Variants in ANXA4 observed in about 807,000 individuals in gnomAD.
ANXA4 encodes the protein 35-beta calcimedin.
Under a neutral mutation model 49.8 loss-of-function variants are expected in ANXA4, and 39 were observed. That is an observed-to-expected ratio of 0.78 (90% CI 0.61 to 1.02). The LOEUF is 1.02. Ranked by LOEUF, ANXA4 falls within the 50% of genes least tolerant of loss-of-function variation. The pLI is 0.00. For synonymous variants in ANXA4, 134 were observed against 152.5 expected (o/e 0.88, Z 0.89); for missense variants, 360 against 410.1 (o/e 0.88, Z 1.05).
upstream of ANXA4, among the ~76,000 whole-genome samples, chr2:69,740,835 C>G (rs1182601845): frequency 6.7e-6 from 1 of 149,478 alleles, no homozygotes; most frequent in Non-Finnish European, 1.5e-5. Context: ...GCGCATGCCA[C>G]CACACCCGGC....
chr2:69,813,574 G>C (rs938008699), intron 8 of ANXA4, among the ~76,000 whole-genome samples: 1 of 151,582 alleles, frequency 6.6e-6, no homozygotes, highest in Non-Finnish European at 1.5e-5. Context: ...TCTATATTAA[G>C]TATGTCATTG....
At chr2:69,805,799 G>A (rs1673422116) in intron 4 of ANXA4, among the ~76,000 whole-genome samples, 3 of 152,100 alleles carry the variant, frequency 2.0e-5, no homozygotes, top group Admixed American at 2.0e-4. Context: ...AGGACTTTTG[G>A]TTTTGTGGGT....
chr2:69,787,889 A>C (rs1346379197), intron 2 of ANXA4, among the ~76,000 whole-genome samples, 165 bp from the exon 3 acceptor site: 2 of 152,232 alleles, frequency 1.3e-5, no homozygotes, highest in East Asian at 3.8e-4. Flanking sequence ...CTAGAGCATC[A>C]GTCCCGGGGA....
upstream of ANXA4, among the ~76,000 whole-genome samples, chr2:69,644,240 G>C (rs1269248702): frequency 6.3e-5 from 9 of 142,696 alleles, no homozygotes; most frequent in African/African-American, 2.3e-4. Flanking sequence ...CCTGGCACAA[G>C]GGATTCTGGA....
chr2:69,649,898 AGGT>A (rs1034221083), intron 1 of ANXA4, among the ~76,000 whole-genome samples: 3 of 147,470 alleles, frequency 2.0e-5, no homozygotes, highest in African/African-American at 7.5e-5. Context: ...CTGGGATTAA[AGGT>A]GTGAGCCACT....
chr2:69,708,235 C>A (rs1678559314), intron 2 of ANXA4, among the ~76,000 whole-genome samples: 1 of 152,104 alleles, frequency 6.6e-6, no homozygotes. Context: ...TATCATGATT[C>A]CCCCCTTCCT....
intron 3 of ANXA4, among the ~76,000 whole-genome samples, chr2:69,736,907 T>G (rs1475355834): frequency 1.3e-5 from 2 of 152,206 alleles, no homozygotes; most frequent in Non-Finnish European, 2.9e-5. Context: ...GTTCAAGTGA[T>G]TCTCATGCTT....
chr2:69,678,549 A>G (rs1677488762), intron 2 of ANXA4, among the ~76,000 whole-genome samples: 1 of 151,628 alleles, frequency 6.6e-6, no homozygotes. Context: ...ACACAGCACC[A>G]CACCGGGCTA....
chr2:69,797,626 C>T (rs188341941), intron 3 of ANXA4, among the ~76,000 whole-genome samples: 5 of 152,328 alleles, frequency 3.3e-5, no homozygotes, highest in Admixed American at 2.0e-4. Context: ...AACTTCCAGA[C>T]ATAAAATCCC....
chr2:69,788,384 A>T (rs1384193271), intron 3 of ANXA4, among the ~76,000 whole-genome samples: 2 of 152,152 alleles, frequency 1.3e-5, no homozygotes, highest in Non-Finnish European at 2.9e-5. Context: ...GACTAAAAAT[A>T]AAAAAATTAG....
At chr2:69,656,781 C>G (rs1041340698) in intron 2 of ANXA4, among the ~76,000 whole-genome samples, 6 of 151,762 alleles carry the variant, frequency 4.0e-5, no homozygotes, top group Admixed American at 1.3e-4. Context: ...TACTCCTGAC[C>G]TCAGGTGATC....
At chr2:69,814,594 C>G (rs570777699) in intron 8 of ANXA4, among the ~76,000 whole-genome samples, 1 of 152,162 alleles carries the variant, frequency 6.6e-6, no homozygotes, top group Non-Finnish European at 1.5e-5. Context: ...AGCAACCTAT[C>G]TGCCTTGGCC....
chr2:69,711,271 A>G (rs1678670836), intron 2 of ANXA4, among the ~76,000 whole-genome samples: 1 of 152,232 alleles, frequency 6.6e-6, no homozygotes. Flanking sequence ...CAGAGGTTGC[A>G]ATGAGCCGAG....
chr2:69,813,718 A>G (rs1000016989), intron 8 of ANXA4, among the ~76,000 whole-genome samples: 1 of 151,376 alleles, frequency 6.6e-6, no homozygotes, highest in Non-Finnish European at 1.5e-5. Context: ...ATTTGAACCA[A>G]TTGGCATCTA....
At chr2:69,682,117 G>T (rs1356683973) in intron 2 of ANXA4, among the ~76,000 whole-genome samples, 1 of 152,136 alleles carries the variant, frequency 6.6e-6, no homozygotes, top group Non-Finnish European at 1.5e-5. Context: ...CTCCCAAAGT[G>T]CTGGGACTAC....
At chr2:69,672,339 C>G (rs1677221805) in intron 2 of ANXA4, among the ~76,000 whole-genome samples, 1 of 151,934 alleles carries the variant, frequency 6.6e-6, no homozygotes, top group African/African-American at 2.4e-5. Flanking sequence ...TAAAGTGGTT[C>G]TCCTGCCTCA....
At chr2:69,772,027 T>G (rs1671740121) in intron 1 of ANXA4, among the ~76,000 whole-genome samples, 1 of 152,206 alleles carries the variant, frequency 6.6e-6, no homozygotes, top group Non-Finnish European at 1.5e-5. Context: ...GTTAAGAAGC[T>G]GTAGTCACCC....
intron 3 of ANXA4, among the ~76,000 whole-genome samples, chr2:69,800,177 G>T (rs1673131001): frequency 6.6e-6 from 1 of 152,194 alleles, no homozygotes; most frequent in Non-Finnish European, 1.5e-5. Flanking sequence ...ACTGTTCTAT[G>T]CTGCTGCCCA....
intron 1 of ANXA4, among the ~76,000 whole-genome samples, chr2:69,651,830 C>CG (rs1283036697): frequency 3.1e-4 from 3 of 9,680 alleles, no homozygotes; most frequent in Non-Finnish European, 5.8e-4. Context: ...GGGGGGGGGG[C>CG]GGGGAGACAG....
Sources: gnomAD v4.1 joint callset for allele counts (sites outside exome capture counted in the v4.1 genomes callset) on GRCh38, gnomAD v4.1.1 for gene constraint, MANE v1.5 for transcripts, NCBI Gene and HGNC (gene_info 2026-07-23, HGNC 2026-07-21) for gene names.